VAV3: variants seen among roughly 807,000 people sequenced by gnomAD.
VAV3 encodes the protein guanine nucleotide exchange factor VAV3.
Under a neutral mutation model 131.2 loss-of-function variants are expected in VAV3, and 94 were observed. That is an observed-to-expected ratio of 0.72 (90% CI 0.61 to 0.85). The LOEUF is 0.85. Ranked by LOEUF, VAV3 falls within the 40% of genes least tolerant of loss-of-function variation. VAV3 has a pLI of 0.00. For synonymous variants in VAV3, 349 were observed against 342.0 expected (o/e 1.02, Z -0.22); for missense variants, 939 against 1,002.7 (o/e 0.94, Z 0.86).
At chr1:107,669,606 C>G in intron 19 of VAV3, 1 of 1,104,018 alleles carries the variant, frequency 9.1e-7, no homozygotes, top group Non-Finnish European at 1.1e-6. Flanking sequence ...TTTTCTTGCA[C>G]AACAGGTTTT....
At chr1:107,952,911 G>C (rs952777262) in intron 1 of VAV3, among the ~76,000 whole-genome samples, 20 of 152,112 alleles carry the variant, frequency 1.3e-4, no homozygotes, top group African/African-American at 4.8e-4. Context: ...TTACCAAAAA[G>C]CAAATAATCC....
chr1:107,699,789 G>T (rs1220677707), intron 17 of VAV3, among the ~76,000 whole-genome samples: 1 of 152,020 alleles, frequency 6.6e-6, no homozygotes, highest in East Asian at 1.9e-4. Context: ...AATTGCAAAG[G>T]AGAAAGAAAT....
At chr1:107,935,547 A>T (rs528514288) in intron 1 of VAV3, among the ~76,000 whole-genome samples, 4 of 152,322 alleles carry the variant, frequency 2.6e-5, no homozygotes, top group African/African-American at 9.6e-5. Context: ...AAAATTAGAA[A>T]TAAGTTTCCC....
chr1:107,959,091 G>A (rs28631440), intron 1 of VAV3, among the ~76,000 whole-genome samples: 17,507 of 151,782 alleles, frequency 0.12, 1,923 homozygotes, highest in African/African-American at 0.29. Flanking sequence ...GTAAAACCCC[G>A]TCTCTACTAA....
intron 1 of VAV3, among the ~76,000 whole-genome samples, chr1:107,927,697 T>G (rs345304): frequency 6.6e-6 from 1 of 151,660 alleles, no homozygotes; most frequent in Non-Finnish European, 1.5e-5. Context: ...CCTCTGCCTG[T>G]GGAAAGGGGA....
intron 20 of VAV3, among the ~76,000 whole-genome samples, chr1:107,632,966 G>A (rs1178749076): frequency 6.6e-6 from 1 of 152,138 alleles, no homozygotes; most frequent in Admixed American, 6.6e-5. Context: ...ATAGGCTGCT[G>A]AAAGGAAATG....
At chr1:107,881,254 G>C (rs1213283651) in intron 1 of VAV3, among the ~76,000 whole-genome samples, 1 of 152,118 alleles carries the variant, frequency 6.6e-6, no homozygotes. Context: ...AAGGAGAGAT[G>C]GGAAGAACTC....
intron 1 of VAV3, among the ~76,000 whole-genome samples, chr1:107,891,610 G>A (rs944150579): frequency 4.6e-5 from 7 of 151,894 alleles, no homozygotes; most frequent in African/African-American, 1.2e-4. Context: ...AGGCCGAAGC[G>A]GGTGGATCAC....
chr1:107,895,242 C>T (rs939483139), intron 1 of VAV3, among the ~76,000 whole-genome samples: 25 of 152,208 alleles, frequency 1.6e-4, no homozygotes, highest in East Asian at 5.8e-4. Flanking sequence ...ACCCATGGGA[C>T]GTGAGTGGGG....
chr1:107,865,630 G>A (rs996454114), intron 2 of VAV3, among the ~76,000 whole-genome samples: 11 of 152,110 alleles, frequency 7.2e-5, no homozygotes, highest in Admixed American at 7.2e-4. Flanking sequence ...AATCTTGTGC[G>A]GCTTGTAAAA....
chr1:107,906,028 G>A (rs1672088967), intron 1 of VAV3, among the ~76,000 whole-genome samples: 1 of 152,146 alleles, frequency 6.6e-6, no homozygotes, highest in Non-Finnish European at 1.5e-5. Flanking sequence ...AAGGAACTGT[G>A]CCTATATTGT....
At chr1:107,901,871 C>T (rs1370045976) in intron 1 of VAV3, among the ~76,000 whole-genome samples, 4 of 151,790 alleles carry the variant, frequency 2.6e-5, no homozygotes, top group Non-Finnish European at 4.4e-5. Context: ...GGTGAAACCC[C>T]GTCTCTACTA....
At chr1:107,831,883 G>C (rs953376392) in intron 2 of VAV3, among the ~76,000 whole-genome samples, 3 of 152,186 alleles carry the variant, frequency 2.0e-5, no homozygotes, top group Non-Finnish European at 1.5e-5. Context: ...GCTGAGATTA[G>C]GTATGTAAAA....
intron 12 of VAV3, 142 bp from the exon 13 acceptor site, chr1:107,751,344 C>T: frequency 1.5e-6 from 1 of 670,820 alleles, no homozygotes; most frequent in Non-Finnish European, 2.4e-6. Flanking sequence ...CATACTTACT[C>T]TAAAAAGCTC....
chr1:107,916,529 G>T (rs558292223), intron 1 of VAV3, among the ~76,000 whole-genome samples: 2 of 151,896 alleles, frequency 1.3e-5, no homozygotes, highest in Non-Finnish European at 2.9e-5. Flanking sequence ...AGACATTAAA[G>T]GAAATATTAA....
chr1:107,829,614 G>A (rs1373485636), intron 2 of VAV3, among the ~76,000 whole-genome samples: 1 of 151,794 alleles, frequency 6.6e-6, no homozygotes. Context: ...TCTCATAATG[G>A]GGGCATTTGG....
chr1:107,898,972 A>G (rs1671736152), intron 1 of VAV3, among the ~76,000 whole-genome samples: 1 of 152,200 alleles, frequency 6.6e-6, no homozygotes, highest in Non-Finnish European at 1.5e-5. Context: ...CTAAGGATGT[A>G]GAGATGAACT....
rs138068618 is a variant in VAV3 at position 107,779,514 on chromosome 1, A to C, written c.322-22T>G. 292 of 1,560,980 alleles carry C rather than the reference A, an allele frequency of 1.9e-4. No homozygotes were observed. In the African/African-American group the frequency reaches 3.7e-3, roughly 20 times the overall value. On this transcript the variant is annotated intron_variant, in intron 2 of 26. Transcript: ENST00000370056. ...TAACCTGAGAAAAGAGGAAAATACT[A>C]ATTAGATATGTAGTTCAGAAAATAT...
chr1:107,833,049 A>G (rs904113486), intron 2 of VAV3, among the ~76,000 whole-genome samples: 1 of 152,222 alleles, frequency 6.6e-6, no homozygotes, highest in African/African-American at 2.4e-5. Flanking sequence ...TAAAGATAAA[A>G]TAATTATGAA....
Sources: gnomAD v4.1 joint callset for allele counts (sites outside exome capture counted in the v4.1 genomes callset) on GRCh38, gnomAD v4.1.1 for gene constraint, MANE v1.5 for transcripts, NCBI Gene and HGNC (gene_info 2026-07-23, HGNC 2026-07-21) for gene names.